KCNIP4: variants seen among roughly 807,000 people sequenced by gnomAD.
KCNIP4 encodes potassium voltage-gated channel interacting protein 4.
KCNIP4 carries 12 observed loss-of-function variants against 34.0 expected under a neutral mutation model. The ratio of observed to expected loss-of-function variants is 0.35; its 90% CI spans 0.23 to 0.57. The LOEUF is 0.57. Ranked by LOEUF, KCNIP4 falls within the 20% of genes least tolerant of loss-of-function variation. The pLI, the probability that KCNIP4 is intolerant of heterozygous loss-of-function variation, is 0.83. For missense variants in KCNIP4, 238 were observed against 311.7 expected (o/e 0.76, Z 1.78); for synonymous variants, 124 against 102.2 (o/e 1.21, Z -1.29).
At chr4:21,885,311 G>A (rs1726700705) in intron 1 of KCNIP4, among the ~76,000 whole-genome samples, 1 of 152,042 alleles carries the variant, frequency 6.6e-6, no homozygotes, top group Non-Finnish European at 1.5e-5. Context: ...ACTACATTCT[G>A]TAGAACTGAA....
Position 21,147,874 on chromosome 4 carries a change from T to G in KCNIP4, c.62-265165A>C, listed in dbSNP as rs372151613. Among the ~76,000 whole-genome samples the G allele has an allele frequency of 1.9e-3, 259 of 138,362 alleles. 2 individuals are homozygous for G. The highest frequency in any genetic ancestry group is 6.5e-3 in the African/African-American group (240 of 36,700). 90.8% of individuals were successfully genotyped at this position (138,362 alleles called of 152,430 possible). On this transcript the variant is annotated intron_variant, in intron 1 of 8. Coordinates refer to ENST00000382152, the MANE Select transcript of KCNIP4 (RefSeq NM_025221.6). The stretch of plus-strand genomic sequence containing the variant: ...GAATTGCTTGAACCTGGGAAGCAGA[T>G]GTTGCAGTGAGCCAAGATCACGCCA...
At chr4:21,167,179 A>C (rs1007101605) in intron 1 of KCNIP4, among the ~76,000 whole-genome samples, 1 of 152,082 alleles carries the variant, frequency 6.6e-6, no homozygotes, top group Non-Finnish European at 1.5e-5. Context: ...TCATGTAGAA[A>C]ACAGACCCAT....
intron 1 of KCNIP4, among the ~76,000 whole-genome samples, chr4:21,169,493 T>C (rs1753856297): frequency 6.6e-6 from 1 of 152,048 alleles, no homozygotes; most frequent in African/African-American, 2.4e-5. Flanking sequence ...AAGCACTTAA[T>C]AGTGTTATCA....
At chr4:20,877,877 A>G (rs1368012155) in intron 2 of KCNIP4, among the ~76,000 whole-genome samples, 1 of 152,006 alleles carries the variant, frequency 6.6e-6, no homozygotes, top group African/African-American at 2.4e-5. Context: ...TCAAATCATT[A>G]TAACCTTTTC....
intron 1 of KCNIP4, among the ~76,000 whole-genome samples, chr4:21,130,898 T>C (rs548993887): frequency 2.6e-5 from 4 of 152,324 alleles, no homozygotes; most frequent in Admixed American, 2.0e-4. Context: ...AAAAACACTG[T>C]AAATTAAAAA....
intron 1 of KCNIP4, among the ~76,000 whole-genome samples, chr4:21,643,243 T>C (rs1368172300): frequency 1.3e-5 from 2 of 152,202 alleles, no homozygotes; most frequent in South Asian, 2.1e-4. Context: ...TATATTATAG[T>C]ACTTAAGTAA....
chr4:21,471,742 G>A (rs1730485054), intron 1 of KCNIP4, among the ~76,000 whole-genome samples: 1 of 152,054 alleles, frequency 6.6e-6, no homozygotes, highest in Non-Finnish European at 1.5e-5. Flanking sequence ...AGTCTTCTCT[G>A]GCTACCTACT....
At chr4:21,865,522 C>A (rs1725362366) in intron 1 of KCNIP4, among the ~76,000 whole-genome samples, 1 of 151,928 alleles carries the variant, frequency 6.6e-6, no homozygotes, top group Non-Finnish European at 1.5e-5. Flanking sequence ...AAATGAGACT[C>A]TTTTTTAATT....
chr4:21,793,437 T>C (rs1223359232), intron 1 of KCNIP4, among the ~76,000 whole-genome samples: 2 of 152,062 alleles, frequency 1.3e-5, no homozygotes, highest in African/African-American at 4.8e-5. Context: ...TTTGTAATTT[T>C]TGTACAGATA....
rs552790738 is a variant in KCNIP4 at position 20,733,693 on chromosome 4, A to G, written c.538-908T>C. Among the ~76,000 whole-genome samples the G allele has an allele frequency of 1.3e-3, 205 of 152,314 alleles. 1 individual carries two copies. Among genetic ancestry groups the G allele is most frequent in the African/African-American group, 4.5e-3 (186 of 41,582 alleles). The stretch of plus-strand genomic sequence containing the variant: ...AAGGTATCCTAAGTATCTGGGTAAT[A>G]AATATTCATGATATAAAAATATACA... On this transcript the variant is annotated intron_variant, in intron 6 of 8. Coordinates refer to ENST00000382152, the MANE Select transcript of KCNIP4 (RefSeq NM_025221.6).
intron 1 of KCNIP4, among the ~76,000 whole-genome samples, chr4:21,682,688 C>T (rs1277595702): frequency 6.6e-6 from 1 of 152,046 alleles, no homozygotes; most frequent in Non-Finnish European, 1.5e-5. Flanking sequence ...TTCCCTTGAA[C>T]ACTTAGAGGC....
intron 1 of KCNIP4, among the ~76,000 whole-genome samples, chr4:21,021,859 C>CGTATAGTATAGTATAGTATA (rs148164124): frequency 2.2e-3 from 319 of 145,924 alleles, no homozygotes; most frequent in Middle Eastern, 7.1e-3. Context: ...AGTATAGTAT[C>CGTATAGTATAGTATAGTATA]GTATAGTATA....
intron 1 of KCNIP4, among the ~76,000 whole-genome samples, chr4:20,917,834 G>A (rs1729001778): frequency 6.6e-6 from 1 of 152,072 alleles, no homozygotes; most frequent in African/African-American, 2.4e-5. Context: ...GTCAGCTAGC[G>A]AACACATTTG....
At chr4:21,544,779 T>C (rs1737998138) in intron 1 of KCNIP4, 1 of 152,134 alleles carries the variant, frequency 6.6e-6, no homozygotes, top group Non-Finnish European at 1.5e-5. Flanking sequence ...ATCATAAAAA[T>C]GGGCAACCAG....
At chr4:21,702,082 A>G (rs1406011959) in intron 1 of KCNIP4, among the ~76,000 whole-genome samples, 2 of 152,196 alleles carry the variant, frequency 1.3e-5, no homozygotes, top group African/African-American at 4.8e-5. Context: ...ATGTTGTTCA[A>G]TGCAGGCTGC....
intron 1 of KCNIP4, among the ~76,000 whole-genome samples, chr4:21,695,574 A>G (rs571017468): frequency 5.9e-5 from 9 of 152,158 alleles, no homozygotes; most frequent in Non-Finnish European, 1.2e-4. Context: ...ATCCAGTGAT[A>G]AAGTACCAAC....
intron 5 of KCNIP4, among the ~76,000 whole-genome samples, chr4:20,742,562 G>T (rs746027850): frequency 6.6e-6 from 1 of 151,994 alleles, no homozygotes; most frequent in Non-Finnish European, 1.5e-5. Context: ...TTAATGGGAC[G>T]TATCTCAAAA....
rs1471673659 is a variant in KCNIP4, at chr4:21,135,548, T to A, written c.62-252839A>T. Among the ~76,000 whole-genome samples the A allele has an allele frequency of 2.0e-5, 3 of 152,212 alleles. No homozygotes were observed. In the East Asian group the frequency reaches 5.8e-4, roughly 29 times the overall value. On this transcript the variant is annotated intron_variant, in intron 1 of 8. Transcript: ENST00000382152. ...TTTTGGCAGGAAAATTGGCAAGTCC[T>A]ACTGAGGATTATTAACTTGATATAC...
chr4:21,659,986 G>T (rs559493379), intron 1 of KCNIP4, among the ~76,000 whole-genome samples: 1 of 152,210 alleles, frequency 6.6e-6, no homozygotes, highest in East Asian at 1.9e-4. Flanking sequence ...ATCACCATTT[G>T]TTTACCATGT....
Sources: gnomAD v4.1 joint callset for allele counts (sites outside exome capture counted in the v4.1 genomes callset) on GRCh38, gnomAD v4.1.1 for gene constraint, MANE v1.5 for transcripts, NCBI Gene and HGNC (gene_info 2026-07-23, HGNC 2026-07-21) for gene names.